The following PRKAR1A variants were observed in gnomAD, a reference collection of about 807,000 sequenced individuals.
PRKAR1A encodes the protein protein kinase cAMP-dependent type I regulatory subunit alpha, also known as cAMP-dependent protein kinase type I-alpha regulatory subunit.
Under a neutral mutation model 52.0 loss-of-function variants are expected in PRKAR1A, and 3 were observed. The ratio of observed to expected loss-of-function variants is 0.06; its 90% confidence interval spans 0.03 to 0.15. The LOEUF is 0.15. PRKAR1A is among the 10% of genes least tolerant of loss of function. The pLI, the probability that PRKAR1A is intolerant of heterozygous loss-of-function variation, is 1.00. For missense variants in PRKAR1A, 240 were observed against 477.4 expected (o/e 0.50, Z 4.63); for synonymous variants, 188 against 168.4 (o/e 1.12, Z -0.90).
At chr17:68,429,285 A>AT in the PRKAR1A span, among the ~76,000 whole-genome samples, 1 of 152,180 alleles carries the variant, frequency 6.6e-6, no homozygotes, top group Admixed American at 6.5e-5. Flanking sequence ...AAGGGGGTAA[A>AT]TGGAGGATTG....
chr17:68,471,992 G>A, the PRKAR1A span, among the ~76,000 whole-genome samples: 14 of 152,064 alleles, frequency 9.2e-5, no homozygotes, highest in Admixed American at 3.9e-4. Flanking sequence ...TAGTAGAGAC[G>A]GGGGTTTTAC....
At chr17:68,541,982 C>A (rs1220384973) in intron 11 of PRKAR1A, 3 of 1,612,610 alleles carry the variant, frequency 1.9e-6, no homozygotes, top group Non-Finnish European at 1.7e-6. Context: ...GGGACCAACT[C>A]ACTCCTCTTT....
the PRKAR1A span, among the ~76,000 whole-genome samples, chr17:68,460,009 C>T: frequency 6.6e-6 from 1 of 152,004 alleles, no homozygotes; most frequent in African/African-American, 2.4e-5. Context: ...TTAATACAGA[C>T]GGGATTTCAC....
chr17:68,419,901 G>GC, the PRKAR1A span, among the ~76,000 whole-genome samples: 4 of 152,062 alleles, frequency 2.6e-5, no homozygotes, highest in Admixed American at 2.6e-4. Flanking sequence ...TGAAGCTGCA[G>GC]TGAGCTAGGA....
chr17:68,483,081 G>A, the PRKAR1A span, among the ~76,000 whole-genome samples: 17 of 151,184 alleles, frequency 1.1e-4, no homozygotes, highest in African/African-American at 3.2e-4. Context: ...CTACATATTC[G>A]TTAGTTTAGC....
chr17:68,427,849 C>A, the PRKAR1A span, among the ~76,000 whole-genome samples: 2 of 152,170 alleles, frequency 1.3e-5, no homozygotes, highest in Non-Finnish European at 2.9e-5. Context: ...CAGGAGAGCT[C>A]AGTCTGTGCC....
the PRKAR1A span, among the ~76,000 whole-genome samples, chr17:68,484,256 A>G: frequency 6.6e-6 from 1 of 152,218 alleles, no homozygotes; most frequent in South Asian, 2.1e-4. Flanking sequence ...TTAAAAATTC[A>G]TCTCTGTAAT....
the PRKAR1A span, among the ~76,000 whole-genome samples, chr17:68,462,154 T>C: frequency 6.6e-6 from 1 of 152,150 alleles, no homozygotes; most frequent in Non-Finnish European, 1.5e-5. Context: ...CATGAAAGAG[T>C]GAATTGATGT....
At chr17:68,428,972 C>T in the PRKAR1A span, 76 of 1,502,360 alleles carry the variant, frequency 5.1e-5, no homozygotes, top group South Asian at 6.3e-4. Flanking sequence ...GTGATGACAA[C>T]GAAGATGGGC....
At chr17:68,444,132 C>T in the PRKAR1A span, among the ~76,000 whole-genome samples, 7 of 152,182 alleles carry the variant, frequency 4.6e-5, no homozygotes, top group African/African-American at 1.2e-4. Flanking sequence ...CTAATTATCA[C>T]GCCTACTCTG....
the PRKAR1A span, among the ~76,000 whole-genome samples, chr17:68,483,478 C>G: frequency 1.6e-4 from 24 of 152,148 alleles, no homozygotes; most frequent in African/African-American, 5.8e-4. Flanking sequence ...AAGACTCCGT[C>G]TTAAAACAAA....
the PRKAR1A span, among the ~76,000 whole-genome samples, chr17:68,449,401 G>A: frequency 2.0e-5 from 3 of 152,196 alleles, no homozygotes; most frequent in Non-Finnish European, 2.9e-5. Context: ...AGGCCAAGGA[G>A]GATCCTTGAG....
the PRKAR1A span, chr17:68,426,281 G>C: frequency 2.3e-6 from 2 of 864,812 alleles, no homozygotes; most frequent in South Asian, 1.5e-5. Context: ...AGGAAGCAAA[G>C]GGGCTGTCTG....
At chr17:68,513,134 C>G (rs889869217) in intron 1 of PRKAR1A, 10 of 152,434 alleles carry the variant, frequency 6.6e-5, no homozygotes, top group East Asian at 3.8e-4. Flanking sequence ...AATTTTGCCC[C>G]CCTGAGGCCT....
At chr17:68,438,423 A>C in the PRKAR1A span, among the ~76,000 whole-genome samples, 1 of 152,182 alleles carries the variant, frequency 6.6e-6, no homozygotes, top group African/African-American at 2.4e-5. Flanking sequence ...TAGTCTTGTG[A>C]AACTGGGGAG....
the PRKAR1A span, among the ~76,000 whole-genome samples, chr17:68,431,782 G>GGCCCAAGAGAGCCAT: frequency 1.3e-5 from 2 of 152,202 alleles, no homozygotes; most frequent in South Asian, 2.1e-4. Context: ...GTTGAGCGGA[G>GGCCCAAGAGAGCCAT]AACCCAGAAC....
the PRKAR1A span, among the ~76,000 whole-genome samples, chr17:68,496,252 G>T: frequency 1.3e-5 from 2 of 150,996 alleles, no homozygotes; most frequent in African/African-American, 4.9e-5. Context: ...ATGTTGGCCA[G>T]GCTGGTCTTG....
the PRKAR1A span, chr17:68,422,102 C>T: frequency 7.5e-6 from 3 of 398,274 alleles, no homozygotes; most frequent in East Asian, 8.9e-5. Context: ...GCTCATCTTA[C>T]TTGTAAACAT....
intron 2 of PRKAR1A, among the ~76,000 whole-genome samples, chr17:68,516,655 T>C (rs945436138): frequency 3.3e-5 from 5 of 152,126 alleles, no homozygotes; most frequent in East Asian, 1.9e-4. Context: ...GGGTAGCTCA[T>C]TGATCAGGTA....
Sources: allele counts gnomAD v4.1 joint callset (sites outside exome capture counted in the v4.1 genomes callset), GRCh38; gene constraint gnomAD v4.1.1; transcripts MANE v1.5; gene names NCBI Gene and HGNC (gene_info 2026-07-23, HGNC 2026-07-21).